The following CEP295 variants were observed in gnomAD, a reference collection of about 807,000 sequenced individuals.
CEP295 encodes centrosomal protein 295, also known as centrosomal protein of 295 kDa.
CEP295 carries 190 observed loss-of-function variants against 291.6 expected under a neutral mutation model. The ratio of observed to expected loss-of-function variants is 0.65; its 90% confidence interval spans 0.58 to 0.73. CEP295 has a LOEUF of 0.73. CEP295 is among the 30% of genes least tolerant of loss of function. The pLI is 0.00. For missense variants in CEP295, 2,863 were observed against 2,949.4 expected, an observed-to-expected ratio of 0.97 and a Z score of 0.68; for synonymous variants, 993 against 1,038.8, an observed-to-expected ratio of 0.96 and a Z score of 0.85.
intron 18 of CEP295, among the ~76,000 whole-genome samples, chr11:93,712,571 A>G (rs898456070): frequency 6.6e-6 from 1 of 152,168 alleles, no homozygotes; most frequent in Non-Finnish European, 1.5e-5. Flanking sequence ...ATTATTTCTG[A>G]TATAAGTATA....
chr11:93,713,048 A>G (rs1037638830), intron 18 of CEP295, among the ~76,000 whole-genome samples: 2 of 152,042 alleles, frequency 1.3e-5, no homozygotes, highest in Admixed American at 6.5e-5. Context: ...CAACTTAGGA[A>G]TGATTGCATA....
In CEP295 at chr11:93,699,385, G is replaced by A; in HGVS notation, c.4473G>A (p.Lys1491=). 6.4e-7 allele frequency: 1 copy of A among 1,551,798 alleles called. No individual in the cohort carries two copies. The highest frequency in any genetic ancestry group is 8.7e-7 in the Non-Finnish European group (1 of 1,146,986). ...CAAAACCATGTAAATTTGAGGAAAA[G>A]GTATCTTCTGAGCATTTTATCCAGT... ...VLSKPCKFEE[K]VSSEHFIQSH... Residue 1491 remains lysine (K), a synonymous_variant, in exon 15 of 30, where the codon AAG becomes AAA. Transcript: ENST00000325212.
intron 9 of CEP295, among the ~76,000 whole-genome samples, 196 bp from the exon 10 acceptor site, chr11:93,687,448 G>T (rs1302103868): frequency 6.6e-6 from 1 of 152,084 alleles, no homozygotes; most frequent in Non-Finnish European, 1.5e-5. Flanking sequence ...ACTATTTTCA[G>T]TTGAAAAAAT....
chr11:93,709,167 A>G (rs1472414835), intron 18 of CEP295, among the ~76,000 whole-genome samples: 1 of 151,992 alleles, frequency 6.6e-6, no homozygotes, highest in Non-Finnish European at 1.5e-5. Flanking sequence ...CCATTTGTCC[A>G]TTTTTGCTTT....
intron 6 of CEP295, among the ~76,000 whole-genome samples, chr11:93,676,602 T>C (rs747194741): frequency 1.3e-5 from 2 of 152,004 alleles, no homozygotes; most frequent in Non-Finnish European, 2.9e-5. Flanking sequence ...CAAGAGTAAA[T>C]CTGAGATTTA....
chr11:93,729,898 G>T lies in CEP295; in HGVS notation c.7596G>T (p.Val2532=). ...CATCTGTGAGTCGTCTAAAGGGCGT[G>T]AATAAAGTCAGAGCATCTTTTCCTG... is the stretch of plus-strand genomic sequence containing the variant. ...ISSSVSRLKG[V]NKVRASFPED... is the part of the protein sequence containing the mutation. The change falls in exon 28 of 30, where the codon GTG becomes GTT. Residue 2532 remains valine, a synonymous_variant. Coordinates refer to ENST00000325212, the MANE Select transcript of CEP295 (RefSeq NM_033395.2). The T allele has an allele frequency of 6.5e-7, 1 of 1,550,004 alleles. No homozygotes were observed. Among genetic ancestry groups the T allele is most frequent in the Non-Finnish European group, 8.7e-7 (1 of 1,146,644 alleles).
rs529692957 is a variant in CEP295 at position 93,680,056 on chromosome 11, C to T, written c.765+504C>T. On this transcript the variant is annotated intron_variant, in intron 7 of 29. Coordinates refer to ENST00000325212, the MANE Select transcript of CEP295 (RefSeq NM_033395.2). ...CTCTGGGAGGCCAAGGCGAGCAGATCGCATAGGCCCGGGAGTTTAAGACCA... is the reference window on the plus strand; with the variant it reads ...CTCTGGGAGGCCAAGGCGAGCAGATTGCATAGGCCCGGGAGTTTAAGACCA... Among the ~76,000 whole-genome samples, 7 of 152,190 alleles carry T rather than the reference C, an allele frequency of 4.6e-5. No individual in the cohort carries two copies. The East Asian group carries it at 7.8e-4, about 17-fold the overall frequency.
intron 9 of CEP295, among the ~76,000 whole-genome samples, chr11:93,687,168 T>C (rs1241656861): frequency 6.6e-6 from 1 of 152,196 alleles, no homozygotes; most frequent in Non-Finnish European, 1.5e-5. Flanking sequence ...AAGAATAATT[T>C]GGGAGCAGTT....
In CEP295 at chr11:93,725,708, T is replaced by C; in HGVS notation, c.6376T>C (p.Tyr2126His). 6.4e-7 allele frequency: 1 copy of C among 1,551,784 alleles called. No individual in the cohort carries two copies. Among genetic ancestry groups the C allele is most frequent in the Non-Finnish European group, 8.7e-7 (1 of 1,146,984 alleles). ...CATGLSKSTV[Y>H]FTALRRTSMH... ...TACTGGATTATCCAAAAGTACAGTT[T>C]ATTTCACAGCACTGAGGAGGACCAG... is the stretch of plus-strand genomic sequence containing the variant. Residue 2126 changes from tyrosine (Y) to histidine (H), a missense_variant, in exon 23 of 30, where the codon TAT becomes CAT. Physicochemically the swap from Tyr to His is moderately conservative, Grantham distance 83. Coordinates refer to ENST00000325212, the MANE Select transcript of CEP295 (RefSeq NM_033395.2).
At chr11:93,717,274 C>A (rs987861456) in intron 18 of CEP295, among the ~76,000 whole-genome samples, 1 of 152,094 alleles carries the variant, frequency 6.6e-6, no homozygotes, top group African/African-American at 2.4e-5. Flanking sequence ...TTTTTATTTA[C>A]ACAATGGATA....
Position 93,716,549 on chromosome 11 carries a change from G to A in CEP295, c.5750-4763G>A, listed in dbSNP as rs56688979. Among the ~76,000 whole-genome samples, 759 of 152,248 alleles carry A rather than the reference G, an allele frequency of 5.0e-3. 10 individuals are homozygous for A. The highest frequency in any genetic ancestry group is 0.017 in the African/African-American group (699 of 41,532). On this transcript the variant is annotated intron_variant, in intron 18 of 29. Coordinates refer to ENST00000325212, the MANE Select transcript of CEP295 (RefSeq NM_033395.2). ...AGAGACCTTGGGGTGTATACAGGAG[G>A]GTATCTTTATTATTGAGTGCACTCA... is the stretch of plus-strand genomic sequence containing the variant.
chr11:93,689,849 G>T (rs1004081371), intron 10 of CEP295, among the ~76,000 whole-genome samples: 5 of 152,124 alleles, frequency 3.3e-5, no homozygotes, highest in Admixed American at 3.3e-4. Context: ...TGAATTAATT[G>T]AATAATTTAA....
intron 18 of CEP295, among the ~76,000 whole-genome samples, chr11:93,710,710 C>T (rs905610269): frequency 2.0e-5 from 3 of 152,018 alleles, no homozygotes; most frequent in African/African-American, 4.8e-5. Context: ...TTTAAGTGTT[C>T]GGTAAAATTC....
intron 23 of CEP295, among the ~76,000 whole-genome samples, chr11:93,726,348 G>A (rs535624521): frequency 6.6e-6 from 1 of 152,158 alleles, no homozygotes; most frequent in Non-Finnish European, 1.5e-5. Flanking sequence ...TGGTCAGGCT[G>A]GTCTAGAACT....
chr11:93,669,147 T>A (rs1196163954), intron 4 of CEP295, among the ~76,000 whole-genome samples: 1 of 152,090 alleles, frequency 6.6e-6, no homozygotes, highest in Non-Finnish European at 1.5e-5. Flanking sequence ...GTAGTTTGAG[T>A]TGAGTTTAGC....
chr11:93,688,551 C>T (rs1951360359), intron 10 of CEP295, among the ~76,000 whole-genome samples: 1 of 135,198 alleles, frequency 7.4e-6, no homozygotes, highest in Admixed American at 8.0e-5. Flanking sequence ...ATTTTCTTCC[C>T]TTGGCCCCTT....
Position 93,702,867 on chromosome 11 carries a change from T to TC in CEP295, c.5544_5545insC (p.Ser1849GlnfsTer19). 1 of 1,551,642 alleles carries TC rather than the reference T, an allele frequency of 6.4e-7. No homozygotes were observed. On this transcript the variant is annotated frameshift_variant, in exon 17 of 30. Coordinates refer to ENST00000325212, the MANE Select transcript of CEP295 (RefSeq NM_033395.2). LOFTEE classifies it high-confidence loss of function. Reference sequence around the variant, plus strand: ...GTTTGGACTTAAACCAGCATGAACTTAGTGCTATACAAGAAGTAGAGTCAC... The same window carrying TC: ...GTTTGGACTTAAACCAGCATGAACTTCAGTGCTATACAAGAAGTAGAGTCAC...
At position 93,669,044 on chromosome 11, in the gene CEP295, T is replaced by G. The variant is rs1590962443; in HGVS notation, c.434+112T>G. The G allele has an allele frequency of 5.3e-6, 3 of 570,536 alleles. No individual in the cohort carries two copies. The East Asian group carries it at 1.0e-4, about 19-fold the overall frequency. The allele number at this position is 570,536 out of a possible 1,614,324, so 35.3% of individuals were successfully genotyped here. On this transcript the variant is annotated intron_variant, in intron 4 of 29. Transcript: ENST00000325212. ...TAAATAAACATAGTAGCATATTCAT[T>G]GCATTTGTTAAACTTGATTTAAAAA...
At chr11:93,726,516 C>G (rs748352974) in intron 23 of CEP295, 1 of 153,188 alleles carries the variant, frequency 6.5e-6, no homozygotes, top group Admixed American at 6.5e-5. Flanking sequence ...AGGAGGATCC[C>G]TGGAGCCCAG....
Sources: allele counts gnomAD v4.1 joint callset (sites outside exome capture counted in the v4.1 genomes callset), GRCh38; gene constraint gnomAD v4.1.1; transcripts MANE v1.5; gene names NCBI Gene and HGNC (gene_info 2026-07-23, HGNC 2026-07-21).